AGMO: variants seen among roughly 807,000 people sequenced by gnomAD.
The protein encoded by AGMO is glyceryl-ether monooxygenase.
A neutral mutation model predicts 60.2 loss-of-function variants in AGMO; 75 were observed. The observed-to-expected ratio is 1.25, with a 90% CI of 1.03 to 1.51. The LOEUF is 1.51. Ranked by LOEUF, AGMO falls within the 40% of genes most tolerant of loss-of-function variation. The probability of loss-of-function intolerance (pLI) is 0.00; values close to 1 mark genes in which losing one functional copy is unlikely to be tolerated. For synonymous variants in AGMO, 261 were observed against 177.1 expected (o/e 1.47, Z -3.76); for missense variants, 763 against 525.5 (o/e 1.45, Z -4.42).
chr7:15,288,851 TAA>T (rs201502047), intron 12 of AGMO, among the ~76,000 whole-genome samples: 9,847 of 141,602 alleles, frequency 0.07, 504 homozygotes, highest in South Asian at 0.2. Context: ...AAATAAAAAA[TAA>T]AAAAAAAAAA....
At chr7:15,277,904 G>A (rs541593357) in intron 12 of AGMO, among the ~76,000 whole-genome samples, 3 of 152,096 alleles carry the variant, frequency 2.0e-5, no homozygotes, top group Admixed American at 6.6e-5. Flanking sequence ...TGACAAGGGC[G>A]CTAGCCCTAA....
intron 12 of AGMO, among the ~76,000 whole-genome samples, chr7:15,346,916 T>C (rs187862474): frequency 3.9e-5 from 6 of 152,082 alleles, no homozygotes; most frequent in South Asian, 2.1e-4. Flanking sequence ...CATTCATTCA[T>C]GGAAAAACGA....
intron 10 of AGMO, among the ~76,000 whole-genome samples, chr7:15,375,750 T>TA (rs1438952986): frequency 6.6e-6 from 1 of 152,134 alleles, no homozygotes; most frequent in Non-Finnish European, 1.5e-5. Context: ...ACTGCGCATT[T>TA]AGACTTGGGA....
intron 3 of AGMO, among the ~76,000 whole-genome samples, chr7:15,500,077 T>C (rs1175341378): frequency 1.3e-5 from 2 of 151,820 alleles, no homozygotes; most frequent in Non-Finnish European, 2.9e-5. Flanking sequence ...GCTCTCTGAA[T>C]GTACATTGTC....
intron 3 of AGMO, among the ~76,000 whole-genome samples, chr7:15,500,359 A>C (rs1033608636): frequency 3.3e-5 from 5 of 151,892 alleles, no homozygotes; most frequent in African/African-American, 1.2e-4. Context: ...AATAAATCAG[A>C]TAAGTAATGG....
chr7:15,295,407 T>C (rs796305266), intron 12 of AGMO, among the ~76,000 whole-genome samples: 12 of 152,124 alleles, frequency 7.9e-5, no homozygotes, highest in East Asian at 1.9e-4. Flanking sequence ...GCAGGACAGA[T>C]TGACATTAAA....
At chr7:15,137,160 C>T in the AGMO span, among the ~76,000 whole-genome samples, 1 of 152,150 alleles carries the variant, frequency 6.6e-6, no homozygotes, top group Non-Finnish European at 1.5e-5. Context: ...CTTCTACAGC[C>T]TTCAAGTATT....
chr7:15,198,229 G>C (rs563197755), downstream of AGMO, among the ~76,000 whole-genome samples: 11 of 115,592 alleles, frequency 9.5e-5, no homozygotes, highest in East Asian at 1.5e-3. Context: ...GAGAGAGAGA[G>C]AGAGAGAGAG....
At chr7:15,156,497 C>T in the AGMO span, among the ~76,000 whole-genome samples, 1 of 152,168 alleles carries the variant, frequency 6.6e-6, no homozygotes. Context: ...GGGCTTAATG[C>T]AGGCTGGAGT....
chr7:15,212,205 T>A (rs1367871943), intron 12 of AGMO, among the ~76,000 whole-genome samples: 1 of 151,332 alleles, frequency 6.6e-6, no homozygotes, highest in Non-Finnish European at 1.5e-5. Context: ...AATAAATACA[T>A]TATTCTATCC....
chr7:15,171,913 C>T, the AGMO span, among the ~76,000 whole-genome samples: 5 of 152,070 alleles, frequency 3.3e-5, no homozygotes, highest in African/African-American at 1.2e-4. Flanking sequence ...GTGGAGAAAC[C>T]CACATATCTA....
intron 12 of AGMO, among the ~76,000 whole-genome samples, chr7:15,323,352 A>G (rs1781240803): frequency 6.6e-6 from 1 of 152,220 alleles, no homozygotes; most frequent in Non-Finnish European, 1.5e-5. Flanking sequence ...TTGATATAAA[A>G]GAATTGGAAG....
intron 12 of AGMO, among the ~76,000 whole-genome samples, chr7:15,324,565 C>T (rs114917251): frequency 0.01 from 1,527 of 152,226 alleles, 29 homozygotes; most frequent in African/African-American, 0.036. Context: ...TTTCTTCTCC[C>T]CCTCATCTCC....
chr7:15,239,328 A>C (rs1782520436), intron 12 of AGMO, among the ~76,000 whole-genome samples: 1 of 152,168 alleles, frequency 6.6e-6, no homozygotes, highest in Non-Finnish European at 1.5e-5. Flanking sequence ...CTTAGGGTAC[A>C]AAGTGTCTGC....
intron 3 of AGMO, among the ~76,000 whole-genome samples, chr7:15,492,222 T>A (rs1276370446): frequency 1.3e-5 from 2 of 152,168 alleles, no homozygotes; most frequent in Admixed American, 1.3e-4. Context: ...AGAAGTTCAG[T>A]GGCTTTTTGT....
rs904719119 is a variant in AGMO, at chr7:15,264,995, A to C, written c.1264-63636T>G. ...ACACATGCACTCTTACGTTCATTGC[A>C]GAACTATTCACAAGAGCAAAGACAT... On this transcript the variant is annotated intron_variant, in intron 12 of 12. Coordinates refer to ENST00000342526, the MANE Select transcript of AGMO (RefSeq NM_001004320.2). 1.3e-5 allele frequency among the ~76,000 whole-genome samples: 2 copies of C among 152,160 alleles called. 1 individual carries two copies. Among genetic ancestry groups the C allele is most frequent in the South Asian group, 4.1e-4 (2 of 4,834 alleles).
chr7:15,161,986 C>G, the AGMO span, among the ~76,000 whole-genome samples: 1 of 152,052 alleles, frequency 6.6e-6, no homozygotes, highest in Non-Finnish European at 1.5e-5. Context: ...ATTGTAATCC[C>G]CACATGTTGA....
chr7:15,367,957 T>A (rs899669309), intron 10 of AGMO, among the ~76,000 whole-genome samples: 1 of 152,012 alleles, frequency 6.6e-6, no homozygotes, highest in African/African-American at 2.4e-5. Flanking sequence ...CAGTCACAAT[T>A]TTTGCTCACA....
chr7:15,526,188 C>T (rs567247640), intron 3 of AGMO, among the ~76,000 whole-genome samples: 1 of 152,248 alleles, frequency 6.6e-6, no homozygotes, highest in South Asian at 2.1e-4. Flanking sequence ...AAGGCCTGGG[C>T]AGGGGCGTTG....
Sources: gnomAD v4.1 joint callset for allele counts (sites outside exome capture counted in the v4.1 genomes callset) on GRCh38, gnomAD v4.1.1 for gene constraint, MANE v1.5 for transcripts, NCBI Gene and HGNC (gene_info 2026-07-23, HGNC 2026-07-21) for gene names.